ELOVL2: variants seen among roughly 807,000 people sequenced by gnomAD.
The protein encoded by ELOVL2 is ELOVL fatty acid elongase 2, also known as very long chain fatty acid elongase 2.
ELOVL2 carries 38 observed loss-of-function variants against 37.7 expected under a neutral mutation model. The observed-to-expected ratio is 1.01, with a 90% CI of 0.78 to 1.32. The LOEUF (loss-of-function observed/expected upper bound fraction) is 1.32, where lower values mean the gene tolerates loss of function less well. ELOVL2 is among the 40% of genes most tolerant of loss of function. The pLI is 0.00. For synonymous variants in ELOVL2, 115 were observed against 122.3 expected (o/e 0.94, Z 0.40); for missense variants, 352 against 363.6 (o/e 0.97, Z 0.26).
intron 2 of ELOVL2, 95 bp from the exon 3 acceptor site, chr6:11,005,654 C>G: frequency 1.0e-6 from 1 of 985,998 alleles, no homozygotes; most frequent in Non-Finnish European, 1.5e-6. Context: ...CACACCAGCA[C>G]AACAGGGAAC....
At chr6:11,016,384 T>C (rs1782686020) in intron 1 of ELOVL2, among the ~76,000 whole-genome samples, 2 of 152,182 alleles carry the variant, frequency 1.3e-5, no homozygotes, top group South Asian at 4.1e-4. Context: ...GCAAAAACCA[T>C]TAAGATCACA....
At chr6:11,016,373 A>G (rs773816428) in intron 1 of ELOVL2, among the ~76,000 whole-genome samples, 25 of 152,236 alleles carry the variant, frequency 1.6e-4, no homozygotes, top group Admixed American at 9.2e-4. Flanking sequence ...TTTTAAAATT[A>G]GCAAAAACCA....
chr6:11,011,378 G>GA (rs931754878), intron 1 of ELOVL2, among the ~76,000 whole-genome samples: 14 of 140,048 alleles, frequency 1.0e-4, no homozygotes, highest in African/African-American at 2.6e-4. Flanking sequence ...AAAAAAAAAA[G>GA]AAAAAAAAAC....
intron 7 of ELOVL2, among the ~76,000 whole-genome samples, chr6:10,988,587 A>G (rs949743819): frequency 2.0e-5 from 3 of 152,316 alleles, no homozygotes; most frequent in Non-Finnish European, 4.4e-5. Flanking sequence ...AAAAATAAAA[A>G]CCACTATGGG....
intron 1 of ELOVL2, among the ~76,000 whole-genome samples, chr6:11,017,984 A>G (rs1782710412): frequency 6.6e-6 from 1 of 152,206 alleles, no homozygotes; most frequent in South Asian, 2.1e-4. Flanking sequence ...TTATATTTTC[A>G]TACACATGAT....
chr6:11,029,100 T>C (rs1317099067), intron 1 of ELOVL2, among the ~76,000 whole-genome samples: 1 of 144,838 alleles, frequency 6.9e-6, no homozygotes, highest in Non-Finnish European at 1.5e-5. Flanking sequence ...TGTTAGCACA[T>C]GCCTGTAGTC....
At chr6:11,029,238 A>AAAAAAAC (rs1782884080) in intron 1 of ELOVL2, among the ~76,000 whole-genome samples, 2 of 150,302 alleles carry the variant, frequency 1.3e-5, no homozygotes, top group African/African-American at 4.9e-5. Context: ...AAAAAAAAAA[A>AAAAAAAC]AAAAAAAAAA....
At chr6:10,999,537 G>A (rs1782337987) in intron 4 of ELOVL2, among the ~76,000 whole-genome samples, 1 of 151,956 alleles carries the variant, frequency 6.6e-6, no homozygotes, top group Non-Finnish European at 1.5e-5. Flanking sequence ...CACCATGCCT[G>A]GCTAATTTTT....
At chr6:11,010,386 G>T (rs541555822) in intron 2 of ELOVL2, among the ~76,000 whole-genome samples, 346 of 152,270 alleles carry the variant, frequency 2.3e-3, no homozygotes, top group Admixed American at 4.1e-3. Flanking sequence ...CATATAACTA[G>T]GATGTAAGAA....
chr6:10,994,183 A>C (rs1399744561), intron 5 of ELOVL2, among the ~76,000 whole-genome samples: 1 of 151,720 alleles, frequency 6.6e-6, no homozygotes, highest in Non-Finnish European at 1.5e-5. Flanking sequence ...AAAAAGAAGA[A>C]GGGCCGGGTG....
chr6:11,006,432 T>C (rs1310808247), intron 2 of ELOVL2, among the ~76,000 whole-genome samples: 5 of 152,248 alleles, frequency 3.3e-5, no homozygotes, highest in Admixed American at 6.5e-5. Context: ...TCTATTCTGC[T>C]CTTTTTGTTT....
intron 1 of ELOVL2, among the ~76,000 whole-genome samples, chr6:11,031,596 C>T (rs1370825706): frequency 6.6e-6 from 1 of 152,138 alleles, no homozygotes; most frequent in African/African-American, 2.4e-5. Context: ...ATTCCTAGTG[C>T]TAATCTTTTG....
intron 1 of ELOVL2, 56 bp from the exon 2 acceptor site, chr6:11,010,865 G>T: frequency 3.6e-6 from 5 of 1,387,402 alleles, no homozygotes; most frequent in South Asian, 2.4e-5. Flanking sequence ...TTTTGAAACG[G>T]TCAAAACAAG....
At chr6:11,009,386 A>G (rs146220346) in intron 2 of ELOVL2, among the ~76,000 whole-genome samples, 188 of 152,354 alleles carry the variant, frequency 1.2e-3, no homozygotes, top group Middle Eastern at 6.8e-3. Context: ...GAATGTGGTC[A>G]TCTCTCTATC....
At chr6:11,016,171 C>CT (rs1471082318) in intron 1 of ELOVL2, among the ~76,000 whole-genome samples, 10 of 54,472 alleles carry the variant, frequency 1.8e-4, no homozygotes, top group African/African-American at 2.4e-4. Flanking sequence ...TCTTCCCCTT[C>CT]TCCCTTCCTT....
At chr6:10,988,436 C>A (rs377727073) in intron 7 of ELOVL2, among the ~76,000 whole-genome samples, 29 of 152,234 alleles carry the variant, frequency 1.9e-4, no homozygotes, top group African/African-American at 7.0e-4. Flanking sequence ...TGGTGGCACA[C>A]GCCTGTAATC....
chr6:11,044,209 G>A lies in ELOVL2; in HGVS notation c.3+19C>T, dbSNP rs1485115670. On this transcript the variant is annotated intron_variant, in intron 1 of 7. Coordinates refer to ENST00000354666, the MANE Select transcript of ELOVL2 (RefSeq NM_017770.4). The surrounding 1 kb of genome is among the most constrained non-coding windows in gnomAD (Gnocchi z 5.6). Reference sequence around the variant, plus strand: ...AAGAAAGCGCGGCGGTGTCGGTGGCGGCGCGCGGCCCCACTCACCATGATC... The same window carrying A: ...AAGAAAGCGCGGCGGTGTCGGTGGCAGCGCGCGGCCCCACTCACCATGATC... 3.5e-6 allele frequency: 5 copies of A among 1,447,330 alleles called. No individual in the cohort carries two copies. The highest frequency in any genetic ancestry group is 1.4e-5 in the South Asian group (1 of 71,206). The allele number at this position is 1,447,330 out of a possible 1,614,324, so 89.7% of individuals were successfully genotyped here. A position where few individuals can be genotyped will look rare whatever the true frequency, so the allele number is the denominator to read the frequency against.
intron 1 of ELOVL2, chr6:11,015,773 T>C (rs1368747490): frequency 6.6e-6 from 1 of 152,172 alleles, no homozygotes; most frequent in Non-Finnish European, 1.5e-5. Context: ...TCTTGGGCAC[T>C]TTTTGCCACC....
intron 1 of ELOVL2, among the ~76,000 whole-genome samples, chr6:11,011,079 G>T (rs1000346351): frequency 6.6e-6 from 1 of 151,976 alleles, no homozygotes; most frequent in Non-Finnish European, 1.5e-5. Flanking sequence ...AACATTGAAG[G>T]GTTGGCCAGG....
Sources: allele counts gnomAD v4.1 joint callset (sites outside exome capture counted in the v4.1 genomes callset), GRCh38; gene constraint gnomAD v4.1.1; non-coding constraint Gnocchi (gnomAD v3.1); transcripts MANE v1.5; gene names NCBI Gene and HGNC (gene_info 2026-07-23, HGNC 2026-07-21).